ARHGAP10: variants seen among roughly 807,000 people sequenced by gnomAD.
ARHGAP10 encodes the protein Rho GTPase activating protein 10.
ARHGAP10 carries 87 observed loss-of-function variants against 108.6 expected under a neutral mutation model. The ratio of observed to expected loss-of-function variants is 0.80; its 90% CI spans 0.67 to 0.96. The LOEUF (loss-of-function observed/expected upper bound fraction) is 0.96, where lower values mean the gene tolerates loss of function less well. Among genes scored for constraint, ARHGAP10 ranks in the 40% least tolerant of loss-of-function variants. The probability of loss-of-function intolerance (pLI) is 0.00; values close to 1 mark genes in which losing one functional copy is unlikely to be tolerated. For missense variants in ARHGAP10, 939 were observed against 954.5 expected, an observed-to-expected ratio of 0.98 and a Z score of 0.21; for synonymous variants, 347 against 341.1, an observed-to-expected ratio of 1.02 and a Z score of -0.19.
At chr4:147,980,745 T>C (rs1206892149) in intron 18 of ARHGAP10, among the ~76,000 whole-genome samples, 1 of 152,188 alleles carries the variant, frequency 6.6e-6, no homozygotes, top group Non-Finnish European at 1.5e-5. Context: ...GGATTTCTCT[T>C]TCTTCTTGAT....
chr4:147,883,910 G>A (rs1465018369), intron 10 of ARHGAP10, among the ~76,000 whole-genome samples: 1 of 152,034 alleles, frequency 6.6e-6, no homozygotes, highest in Non-Finnish European at 1.5e-5. Context: ...GGCCAGGCTG[G>A]TCTTGAACTC....
chr4:147,896,990 A>G (rs1208591993), intron 10 of ARHGAP10, among the ~76,000 whole-genome samples: 1 of 152,076 alleles, frequency 6.6e-6, no homozygotes, highest in Non-Finnish European at 1.5e-5. Context: ...GAATATCGAA[A>G]GGATTTTTTT....
intron 18 of ARHGAP10, among the ~76,000 whole-genome samples, chr4:147,994,589 A>G (rs969784381): frequency 6.6e-6 from 1 of 152,148 alleles, no homozygotes; most frequent in Admixed American, 6.5e-5. Flanking sequence ...GAAACTCAAA[A>G]TGTAGATCGT....
At chr4:148,037,926 G>A (rs1036693918) in intron 19 of ARHGAP10, among the ~76,000 whole-genome samples, 2 of 151,712 alleles carry the variant, frequency 1.3e-5, no homozygotes, top group Admixed American at 6.6e-5. Flanking sequence ...CTCATATGCT[G>A]GCTGAAGCTT....
chr4:147,879,575 G>A (rs570668468), intron 9 of ARHGAP10, among the ~76,000 whole-genome samples: 19 of 151,140 alleles, frequency 1.3e-4, no homozygotes, highest in Admixed American at 3.9e-4. Context: ...TTTAAGTTCT[G>A]GGATACATGT....
intron 16 of ARHGAP10, among the ~76,000 whole-genome samples, chr4:147,956,737 GT>G (rs1169963314): frequency 0.013 from 1,885 of 142,620 alleles, 37 homozygotes; most frequent in South Asian, 0.059. Context: ...ATGGAATAAG[GT>G]TTTTTTTTTT....
chr4:147,766,560 GTGTGGGTGT>G (rs1188539762), intron 1 of ARHGAP10, among the ~76,000 whole-genome samples: 4 of 149,000 alleles, frequency 2.7e-5, no homozygotes, highest in Non-Finnish European at 4.4e-5. Flanking sequence ...GTGTGGGTGT[GTGTGGGTGT>G]GTGTGTATAT....
At chr4:147,856,899 C>A (rs1325660155) in intron 4 of ARHGAP10, among the ~76,000 whole-genome samples, 1 of 152,206 alleles carries the variant, frequency 6.6e-6, no homozygotes, top group African/African-American at 2.4e-5. Context: ...GTTGCCCAGG[C>A]TGGAGTGCAG....
chr4:147,979,285 C>T (rs998195264), intron 18 of ARHGAP10, among the ~76,000 whole-genome samples: 1 of 152,198 alleles, frequency 6.6e-6, no homozygotes, highest in African/African-American at 2.4e-5. Flanking sequence ...AGCCAGTTTT[C>T]TCAGCACCAT....
chr4:148,064,619 C>T (rs1479270985), intron 22 of ARHGAP10, 112 bp downstream of exon 22: 39 of 952,310 alleles, frequency 4.1e-5, no homozygotes, highest in Non-Finnish European at 4.0e-5. Flanking sequence ...GAGTCTCCCC[C>T]TTGATGCTTT....
chr4:147,996,341 G>A (rs1341975854), intron 18 of ARHGAP10, among the ~76,000 whole-genome samples: 1 of 152,230 alleles, frequency 6.6e-6, no homozygotes, highest in Admixed American at 6.5e-5. Flanking sequence ...GGAGAGGAAG[G>A]TGGGAAAGAT....
chr4:147,735,831 CTTTCT>C (rs1230059531), intron 1 of ARHGAP10, among the ~76,000 whole-genome samples: 1 of 152,088 alleles, frequency 6.6e-6, no homozygotes, highest in Non-Finnish European at 1.5e-5. Context: ...TTTTAAAGTA[CTTTCT>C]TTTCTTAAAA....
At chr4:147,765,475 G>T (rs1484554483) in intron 1 of ARHGAP10, among the ~76,000 whole-genome samples, 1 of 152,116 alleles carries the variant, frequency 6.6e-6, no homozygotes, top group Admixed American at 6.6e-5. Flanking sequence ...CAGCAATTCT[G>T]AGCATTTGCT....
chr4:147,914,593 T>TC (rs869220944), intron 13 of ARHGAP10, among the ~76,000 whole-genome samples: 5 of 1,046 alleles, frequency 4.8e-3, no homozygotes, highest in Non-Finnish European at 0.028. Flanking sequence ...ATCTTCAGCA[T>TC]TTTTGTACAA....
intron 21 of ARHGAP10, among the ~76,000 whole-genome samples, chr4:148,064,200 G>C (rs1421241357): frequency 6.6e-6 from 1 of 152,170 alleles, no homozygotes; most frequent in Admixed American, 6.5e-5. Context: ...CCTCAGAGAG[G>C]CTCCCTGAGG....
At chr4:147,804,967 C>A (rs1731724767) in intron 1 of ARHGAP10, among the ~76,000 whole-genome samples, 2 of 152,220 alleles carry the variant, frequency 1.3e-5, no homozygotes, top group South Asian at 2.1e-4. Flanking sequence ...TGCAGAGGCT[C>A]TTTTGTTTAA....
chr4:147,828,309 G>C (rs749676385), intron 3 of ARHGAP10, among the ~76,000 whole-genome samples: 3 of 152,096 alleles, frequency 2.0e-5, no homozygotes, highest in Non-Finnish European at 2.9e-5. Context: ...GAGACTTTAG[G>C]TTTTAAGGGA....
chr4:147,802,044 C>T (rs1471931301), intron 1 of ARHGAP10, among the ~76,000 whole-genome samples: 2 of 152,160 alleles, frequency 1.3e-5, no homozygotes, highest in East Asian at 1.9e-4. Flanking sequence ...TGTTTAATGT[C>T]GCTTGAGTAA....
intron 13 of ARHGAP10, among the ~76,000 whole-genome samples, chr4:147,933,918 G>T (rs1311634438): frequency 1.3e-5 from 2 of 152,178 alleles, no homozygotes; most frequent in Non-Finnish European, 2.9e-5. Flanking sequence ...GGAGGGGCGG[G>T]AGCTGAGCCT....
Sources: gnomAD v4.1 joint callset for allele counts (sites outside exome capture counted in the v4.1 genomes callset) on GRCh38, gnomAD v4.1.1 for gene constraint, MANE v1.5 for transcripts, NCBI Gene and HGNC (gene_info 2026-07-23, HGNC 2026-07-21) for gene names.